Variants in VPS13B observed in about 807,000 individuals in gnomAD.
The protein encoded by VPS13B is intermembrane lipid transfer protein VPS13B.
VPS13B carries 285 observed loss-of-function variants against 426.4 expected under a neutral mutation model. The ratio of observed to expected loss-of-function variants is 0.67; its 90% CI spans 0.61 to 0.74. The LOEUF (loss-of-function observed/expected upper bound fraction) is 0.74. Among genes scored for constraint, VPS13B ranks in the 30% least tolerant of loss-of-function variants. The pLI, the probability that VPS13B is intolerant of heterozygous loss-of-function variation, is 0.00. For missense variants in VPS13B, 4,537 were observed against 4,782.6 expected (o/e 0.95, Z 1.51); for synonymous variants, 1,676 against 1,676.4 (o/e 1.00, Z 0.01).
chr8:99,762,919 C>T (rs2130600240), intron 39 of VPS13B, among the ~76,000 whole-genome samples: 1 of 151,968 alleles, frequency 6.6e-6, no homozygotes, highest in Middle Eastern at 3.4e-3. Context: ...AGGAGGATTG[C>T]TTGAGCCCAG....
At chr8:99,818,259 G>A (rs2130812388) in intron 45 of VPS13B, among the ~76,000 whole-genome samples, 192 bp from the exon 46 acceptor site, 1 of 152,078 alleles carries the variant, frequency 6.6e-6, no homozygotes, top group Non-Finnish European at 1.5e-5. Context: ...GAAAGAGTTG[G>A]CCCCGCTGAC....
At position 99,099,803 on chromosome 8, in the gene VPS13B, C is replaced by T. The variant is rs545947169; in HGVS notation, c.413-3150C>T. ...GTGAAAATTAGTGTTTTCATCTGGG[C>T]CTGTGGATATAGATGTATGTTTGGA... is the stretch of plus-strand genomic sequence containing the variant. On this transcript the variant is annotated intron_variant, in intron 4 of 61. Transcript: ENST00000357162. Among the ~76,000 whole-genome samples the T allele has an allele frequency of 3.3e-5, 5 of 152,060 alleles. No individual in the cohort carries two copies. The South Asian group carries it at 1.0e-3, about 32-fold the overall frequency.
At chr8:99,142,870 A>G in intron 12 of VPS13B, 104 bp from the exon 13 acceptor site, 1 of 1,197,570 alleles carries the variant, frequency 8.4e-7, no homozygotes, top group Non-Finnish European at 1.2e-6. Context: ...AATTTGTTTT[A>G]AGGCATTAAG....
At chr8:99,579,745 G>T (rs1163615783) in intron 33 of VPS13B, among the ~76,000 whole-genome samples, 1 of 146,264 alleles carries the variant, frequency 6.8e-6, no homozygotes, top group Non-Finnish European at 1.5e-5. Context: ...TCACTCTGTT[G>T]CCCAGACTAG....
intron 3 of VPS13B, among the ~76,000 whole-genome samples, chr8:99,066,897 C>T (rs1355061962): frequency 1.3e-5 from 2 of 152,214 alleles, no homozygotes; most frequent in Non-Finnish European, 2.9e-5. Context: ...ACAAAATGCT[C>T]ATCATTACTG....
intron 19 of VPS13B, among the ~76,000 whole-genome samples, chr8:99,315,176 T>G (rs1028827864): frequency 1.3e-5 from 2 of 152,214 alleles, no homozygotes; most frequent in African/African-American, 4.8e-5. Context: ...TATCTAAATC[T>G]CTTGCTAAAC....
intron 16 of VPS13B, among the ~76,000 whole-genome samples, chr8:99,192,011 A>G (rs1217687795): frequency 6.6e-6 from 1 of 152,178 alleles, no homozygotes; most frequent in East Asian, 1.9e-4. Flanking sequence ...CAGGTTACAT[A>G]CAGTATACTA....
chr8:99,643,740 T>G (rs774026897), intron 34 of VPS13B, among the ~76,000 whole-genome samples: 1 of 152,186 alleles, frequency 6.6e-6, no homozygotes, highest in Non-Finnish European at 1.5e-5. Context: ...GCTTGCAAAC[T>G]CAATCATATC....
intron 33 of VPS13B, among the ~76,000 whole-genome samples, chr8:99,598,869 G>C (rs1280883312): frequency 2.0e-5 from 3 of 151,372 alleles, no homozygotes; most frequent in African/African-American, 4.9e-5. Flanking sequence ...TGCTGTCTTT[G>C]ATAGTTAAAA....
At chr8:99,218,332 G>A (rs991336848) in intron 17 of VPS13B, among the ~76,000 whole-genome samples, 10 of 152,164 alleles carry the variant, frequency 6.6e-5, no homozygotes, top group Admixed American at 6.5e-4. Context: ...CTGATCCTTG[G>A]TCTGCATAAT....
chr8:99,807,683 G>C (rs1190585026), intron 43 of VPS13B, among the ~76,000 whole-genome samples: 1 of 151,306 alleles, frequency 6.6e-6, no homozygotes, highest in Non-Finnish European at 1.5e-5. Context: ...GTGTTTGTGT[G>C]TGTGTGTGTG....
In VPS13B at chr8:99,843,736, C is replaced by A. The variant is rs527947261; in HGVS notation, c.9943-5040C>A. On this transcript the variant is annotated intron_variant, in intron 54 of 61. Transcript: ENST00000357162. Reference sequence around the variant, plus strand: ...GTTTCTAATCCTGAAGGAGCTCTTACCATTGTCCTTCAGGTTCCTGGCTCC... The same window carrying A: ...GTTTCTAATCCTGAAGGAGCTCTTAACATTGTCCTTCAGGTTCCTGGCTCC... Among the ~76,000 whole-genome samples, 5 of 152,316 alleles carry A rather than the reference C, an allele frequency of 3.3e-5. No homozygotes were observed. The South Asian group carries it at 1.0e-3, about 32-fold the overall frequency.
At chr8:99,420,646 A>G (rs765560974) in intron 21 of VPS13B, among the ~76,000 whole-genome samples, 11 of 152,172 alleles carry the variant, frequency 7.2e-5, no homozygotes, top group African/African-American at 1.9e-4. Context: ...GTGTCTAGCC[A>G]TTAGCCACTA....
intron 3 of VPS13B, among the ~76,000 whole-genome samples, chr8:99,071,581 G>C (rs775916224): frequency 6.6e-6 from 1 of 152,144 alleles, no homozygotes; most frequent in Non-Finnish European, 1.5e-5. Flanking sequence ...TGTGGCTACT[G>C]TTGTTGTTCA....
intron 59 of VPS13B, 56 bp downstream of exon 59, chr8:99,868,521 A>G: frequency 2.6e-6 from 4 of 1,557,424 alleles, no homozygotes; most frequent in Non-Finnish European, 2.6e-6. Context: ...TTGCATGCTT[A>G]TACCAAGGGT....
At chr8:99,135,830 C>T (rs1810044161) in intron 11 of VPS13B, 97 bp downstream of exon 11, 1 of 1,485,740 alleles carries the variant, frequency 6.7e-7, no homozygotes, top group South Asian at 1.2e-5. Flanking sequence ...CAAATAATGC[C>T]TTCTGAATGC....
At chr8:99,063,546 G>A (rs1563515719) in intron 3 of VPS13B, among the ~76,000 whole-genome samples, 2 of 152,238 alleles carry the variant, frequency 1.3e-5, no homozygotes, top group Non-Finnish European at 1.5e-5. Context: ...TGAGGCTTGA[G>A]TAGGTAAACA....
intron 44 of VPS13B, among the ~76,000 whole-genome samples, chr8:99,815,923 C>T (rs1053376538): frequency 1.3e-5 from 2 of 152,156 alleles, no homozygotes; most frequent in African/African-American, 2.4e-5. Flanking sequence ...CCTTGAACTC[C>T]TGGGCTCGAG....
intron 3 of VPS13B, among the ~76,000 whole-genome samples, chr8:99,062,124 G>T (rs7829780): frequency 6.6e-6 from 1 of 152,162 alleles, no homozygotes; most frequent in Non-Finnish European, 1.5e-5. Flanking sequence ...ATATTCCCCC[G>T]AAGTTAGATC....
Sources: allele counts gnomAD v4.1 joint callset (sites outside exome capture counted in the v4.1 genomes callset), GRCh38; gene constraint gnomAD v4.1.1; transcripts MANE v1.5; gene names NCBI Gene and HGNC (gene_info 2026-07-23, HGNC 2026-07-21).